PAPSS1: variants seen among roughly 807,000 people sequenced by gnomAD.
PAPSS1 encodes 3'-phosphoadenosine 5'-phosphosulfate synthase 1, also known as bifunctional 3'-phosphoadenosine 5'-phosphosulfate synthase 1.
PAPSS1 carries 50 observed loss-of-function variants against 72.0 expected under a neutral mutation model. The observed-to-expected ratio is 0.69, with a 90% CI of 0.55 to 0.88. The LOEUF (loss-of-function observed/expected upper bound fraction) is 0.88. Ranked by LOEUF, PAPSS1 falls within the 40% of genes least tolerant of loss-of-function variation. The probability of loss-of-function intolerance (pLI) is 0.00; values close to 1 mark genes in which losing one functional copy is unlikely to be tolerated. For synonymous variants in PAPSS1, 261 were observed against 263.6 expected, an observed-to-expected ratio of 0.99 and a Z score of 0.09; for missense variants, 657 against 782.2, an observed-to-expected ratio of 0.84 and a Z score of 1.91.
chr4:107,694,035 A>T (rs1560587746), intron 2 of PAPSS1, 29 bp from the exon 3 acceptor site: 4 of 1,467,964 alleles, frequency 2.7e-6, no homozygotes, highest in Non-Finnish European at 2.8e-6. Flanking sequence ...AACAGATTCC[A>T]TGTGTAAAGT....
At chr4:107,651,592 GGA>G (rs1726841119) in intron 9 of PAPSS1, among the ~76,000 whole-genome samples, 1 of 152,178 alleles carries the variant, frequency 6.6e-6, no homozygotes, top group Admixed American at 6.5e-5. Context: ...CATGGTGGCA[GGA>G]GAGAGAATGA....
chr4:107,645,292 A>T (rs1726663063), intron 9 of PAPSS1, among the ~76,000 whole-genome samples: 1 of 152,030 alleles, frequency 6.6e-6, no homozygotes, highest in East Asian at 1.9e-4. Flanking sequence ...AATCATACTT[A>T]TCTGAGGATA....
At chr4:107,641,174 A>T (rs1726531127) in intron 10 of PAPSS1, among the ~76,000 whole-genome samples, 1 of 152,186 alleles carries the variant, frequency 6.6e-6, no homozygotes, top group Non-Finnish European at 1.5e-5. Context: ...AATCTTGCTA[A>T]GTTTGTTTAT....
chr4:107,653,065 A>T (rs929153841), intron 9 of PAPSS1, among the ~76,000 whole-genome samples: 1 of 150,364 alleles, frequency 6.7e-6, no homozygotes. Context: ...ATATGAATAT[A>T]TATATGAATA....
At chr4:107,709,419 T>G (rs905560318) in intron 1 of PAPSS1, among the ~76,000 whole-genome samples, 1 of 152,182 alleles carries the variant, frequency 6.6e-6, no homozygotes, top group Non-Finnish European at 1.5e-5. Context: ...AGAAATTTAG[T>G]TTTTAGTTTA....
At chr4:107,701,622 T>C (rs760141977) in intron 1 of PAPSS1, among the ~76,000 whole-genome samples, 1 of 152,316 alleles carries the variant, frequency 6.6e-6, no homozygotes, top group Non-Finnish European at 1.5e-5. Context: ...CATTCATTTA[T>C]TCGTTCATCC....
At chr4:107,670,460 C>A (rs1488206887) in intron 5 of PAPSS1, among the ~76,000 whole-genome samples, 2 of 152,146 alleles carry the variant, frequency 1.3e-5, no homozygotes, top group Non-Finnish European at 2.9e-5. Context: ...AGAAAATATG[C>A]AGCATGGAAC....
intron 5 of PAPSS1, among the ~76,000 whole-genome samples, chr4:107,664,389 A>G (rs1311434919): frequency 6.6e-6 from 1 of 152,114 alleles, no homozygotes; most frequent in Non-Finnish European, 1.5e-5. Context: ...ACTGGCTACA[A>G]CAAGGCATGT....
intron 6 of PAPSS1, among the ~76,000 whole-genome samples, chr4:107,658,697 T>A (rs1727084492): frequency 6.6e-6 from 1 of 152,048 alleles, no homozygotes; most frequent in Non-Finnish European, 1.5e-5. Context: ...GGAAAAAAAA[T>A]TGGATTCATG....
intron 9 of PAPSS1, among the ~76,000 whole-genome samples, chr4:107,647,426 C>G (rs1726724460): frequency 6.6e-6 from 1 of 152,152 alleles, no homozygotes; most frequent in Admixed American, 6.5e-5. Flanking sequence ...AAATGAGAGC[C>G]AAATTCAAAT....
chr4:107,645,593 T>C (rs992092997), intron 9 of PAPSS1, among the ~76,000 whole-genome samples: 5 of 152,354 alleles, frequency 3.3e-5, no homozygotes, highest in African/African-American at 9.6e-5. Context: ...CCATATTTTG[T>C]TTTATGATCA....
At chr4:107,658,862 T>C (rs561113826) in intron 6 of PAPSS1, among the ~76,000 whole-genome samples, 8 of 152,288 alleles carry the variant, frequency 5.3e-5, no homozygotes, top group Non-Finnish European at 7.4e-5. Flanking sequence ...TACTTAGAAA[T>C]AGGCATGTGA....
At chr4:107,692,436 T>A (rs1476665650) in intron 3 of PAPSS1, among the ~76,000 whole-genome samples, 3 of 152,142 alleles carry the variant, frequency 2.0e-5, no homozygotes, top group Non-Finnish European at 4.4e-5. Flanking sequence ...CACAATGAGA[T>A]ACCATCTCAC....
chr4:107,701,808 G>C (rs1161637184), intron 1 of PAPSS1, among the ~76,000 whole-genome samples: 1 of 152,166 alleles, frequency 6.6e-6, no homozygotes, highest in East Asian at 1.9e-4. Context: ...AAAGGAAACA[G>C]AGTGCCTCTT....
chr4:107,629,322 A>G (rs1474122141), intron 11 of PAPSS1, among the ~76,000 whole-genome samples: 4 of 152,260 alleles, frequency 2.6e-5, no homozygotes, highest in African/African-American at 9.6e-5. Flanking sequence ...AAGGGACAAA[A>G]TGATGTTGGA....
intron 10 of PAPSS1, among the ~76,000 whole-genome samples, chr4:107,634,949 T>C (rs34906386): frequency 1 from 151,186 of 151,654 alleles, 75,360 homozygotes; most frequent in East Asian, 1. Flanking sequence ...AGGCGCCCGC[T>C]ACCACGCCCA....
intron 1 of PAPSS1, among the ~76,000 whole-genome samples, chr4:107,713,480 C>T (rs138341046): frequency 6.6e-6 from 1 of 151,954 alleles, no homozygotes; most frequent in Non-Finnish European, 1.5e-5. Context: ...GAAAGACAGG[C>T]CAGGCATGGT....
At chr4:107,695,416 T>C (rs1309772997) in intron 2 of PAPSS1, among the ~76,000 whole-genome samples, 1 of 152,292 alleles carries the variant, frequency 6.6e-6, no homozygotes, top group East Asian at 1.9e-4. Context: ...TTTCTAAACA[T>C]AGAATCATGT....
chr4:107,646,550 G>T (rs1726701266), intron 9 of PAPSS1, among the ~76,000 whole-genome samples: 1 of 151,990 alleles, frequency 6.6e-6, no homozygotes, highest in African/African-American at 2.4e-5. Flanking sequence ...AACATGAGCT[G>T]GAACACCTTT....
Sources: gnomAD v4.1 joint callset for allele counts (sites outside exome capture counted in the v4.1 genomes callset) on GRCh38, gnomAD v4.1.1 for gene constraint, MANE v1.5 for transcripts, NCBI Gene and HGNC (gene_info 2026-07-23, HGNC 2026-07-21) for gene names.